ITPK1: variants seen among roughly 807,000 people sequenced by gnomAD.
ITPK1 encodes inositol-tetrakisphosphate 1-kinase, also known as inositol 1,3,4-trisphosphate 5/6-kinase.
A neutral mutation model predicts 45.3 loss-of-function variants in ITPK1; 21 were observed. The observed-to-expected ratio is 0.46, with a 90% CI of 0.33 to 0.67. The LOEUF is 0.67. Among genes scored for constraint, ITPK1 ranks in the 30% least tolerant of loss-of-function variants. The pLI is 0.02. For synonymous variants in ITPK1, 258 were observed against 253.6 expected (o/e 1.02, Z -0.16); for missense variants, 474 against 573.5 (o/e 0.83, Z 1.77).
Position 92,959,148 on chromosome 14 carries a change from G to T in ITPK1, c.505-782C>A, listed in dbSNP as rs12434797. Among the ~76,000 whole-genome samples the T allele has an allele frequency of 8.9e-3, 1,362 of 152,308 alleles. 17 individuals are homozygous for T. The highest frequency in any genetic ancestry group is 0.031 in the African/African-American group (1,279 of 41,566). ...GTAGGGGCTGGGGTAGGGAGTGCAGGGGGGCAGCTGCCAAAACCCTCTCAG... is the reference window on the plus strand; with the variant it reads ...GTAGGGGCTGGGGTAGGGAGTGCAGTGGGGCAGCTGCCAAAACCCTCTCAG... On this transcript the variant is annotated intron_variant, in intron 7 of 10. Coordinates refer to ENST00000267615, the MANE Select transcript of ITPK1 (RefSeq NM_014216.6).
At chr14:93,072,700 G>A (rs572700886) in intron 3 of ITPK1, among the ~76,000 whole-genome samples, 2 of 149,698 alleles carry the variant, frequency 1.3e-5, no homozygotes, top group East Asian at 2.0e-4. Flanking sequence ...CTGCAGCCTC[G>A]ACCTCCTGGG....
Position 93,015,279 on chromosome 14 carries a change from A to G in ITPK1, c.246+1397T>C, listed in dbSNP as rs115558733. ...GCTTCCACGCCTCCACTTCCTGCTT[A>G]TCAACAAGGCTGGTGAGTCTGCACT... is the stretch of plus-strand genomic sequence containing the variant. On this transcript the variant is annotated intron_variant, in intron 4 of 10. Transcript: ENST00000267615. Among the ~76,000 whole-genome samples, 718 of 152,294 alleles carry G rather than the reference A, an allele frequency of 4.7e-3. 3 individuals carry two copies. The highest frequency in any genetic ancestry group is 0.017 in the African/African-American group (686 of 41,564).
chr14:93,059,380 T>G (rs1890400247), intron 3 of ITPK1, among the ~76,000 whole-genome samples: 2 of 11,968 alleles, frequency 1.7e-4, no homozygotes, highest in African/African-American at 4.4e-4. Flanking sequence ...GGGGTGTGGG[T>G]CACGAGACAG....
chr14:92,961,169 G>A (rs750157240), intron 7 of ITPK1, among the ~76,000 whole-genome samples: 3 of 152,232 alleles, frequency 2.0e-5, no homozygotes, highest in Admixed American at 6.5e-5. Flanking sequence ...AGCCCACTCC[G>A]GTCAGATGCC....
intron 3 of ITPK1, among the ~76,000 whole-genome samples, chr14:93,035,605 G>A (rs562976844): frequency 1.3e-5 from 2 of 152,082 alleles, no homozygotes; most frequent in Admixed American, 6.5e-5. Context: ...AGGGAGGGAG[G>A]GAGGGGGCTC....
chr14:92,941,909 G>A lies in ITPK1; in HGVS notation c.902-5C>T. On this transcript the variant is annotated splice_polypyrimidine_tract_variant and splice_region_variant and intron_variant, in intron 10 of 10. Coordinates refer to ENST00000267615, the MANE Select transcript of ITPK1 (RefSeq NM_014216.6). Reference sequence around the variant, plus strand: ...ACTCGCTCACGCCCTCGTAGCCTGGGGGTGGGAGAGAGACAGCACAAGGGG... The same window carrying A: ...ACTCGCTCACGCCCTCGTAGCCTGGAGGTGGGAGAGAGACAGCACAAGGGG... 2 of 1,610,460 alleles carry A rather than the reference G, an allele frequency of 1.2e-6. No individual in the cohort carries two copies. Among genetic ancestry groups the A allele is most frequent in the Non-Finnish European group, 1.7e-6 (2 of 1,179,160 alleles).
At chr14:92,979,246 G>C (rs1201542278) in intron 5 of ITPK1, among the ~76,000 whole-genome samples, 1 of 152,250 alleles carries the variant, frequency 6.6e-6, no homozygotes, top group African/African-American at 2.4e-5. Context: ...TTTAACCAAT[G>C]ACTGTACCCT....
At chr14:93,106,193 C>G (rs1244538365) in intron 2 of ITPK1, among the ~76,000 whole-genome samples, 1 of 147,974 alleles carries the variant, frequency 6.8e-6, no homozygotes, top group African/African-American at 2.4e-5. Flanking sequence ...CACCCCACAG[C>G]CCAGAGCGGC....
intron 3 of ITPK1, among the ~76,000 whole-genome samples, chr14:93,054,521 T>C (rs1324752284): frequency 6.6e-6 from 1 of 152,190 alleles, no homozygotes; most frequent in African/African-American, 2.4e-5. Context: ...AATCTGTAAA[T>C]GCTCACTGTC....
chr14:93,047,713 A>C (rs1889839390), intron 3 of ITPK1, among the ~76,000 whole-genome samples: 1 of 152,224 alleles, frequency 6.6e-6, no homozygotes, highest in Admixed American at 6.5e-5. Context: ...CTGTTCTCCT[A>C]AGCCACGCAG....
At position 92,939,696 on chromosome 14, in the gene ITPK1, G is replaced by A. The variant is rs566292723; in HGVS notation, c.*1865C>T. 2 of 985,336 alleles carry A rather than the reference G, an allele frequency of 2.0e-6. No individual in the cohort carries two copies. The highest frequency in any genetic ancestry group is 3.5e-5 in the African/African-American group (2 of 57,270). The allele number at this position is 985,336 out of a possible 1,614,324, so 61.0% of individuals were successfully genotyped here. A position where few individuals can be genotyped will look rare whatever the true frequency, so the allele number is the denominator to read the frequency against. On this transcript the variant is annotated 3_prime_UTR_variant, in exon 11 of 11. Transcript: ENST00000267615. ...CGCAAGACCCCGGAGGCCACAAACG[G>A]TACAGGAACACAGCCAGGAGTCACG...
rs574206021 is a variant in ITPK1 at position 93,083,728 on chromosome 14, C to T, written c.96-7109G>A. Among the ~76,000 whole-genome samples the T allele has an allele frequency of 1.3e-4, 20 of 152,252 alleles. No homozygotes were observed. In the South Asian group the frequency reaches 3.7e-3, roughly 28 times the overall value. On this transcript the variant is annotated intron_variant, in intron 2 of 10. Transcript: ENST00000267615. ...GGCTCCTAAACAGATGACTAAGCCC[C>T]GTCACCCATGTGTGTTGATGGCCAC...
intron 5 of ITPK1, among the ~76,000 whole-genome samples, chr14:92,976,914 G>C (rs1330462887): frequency 6.6e-6 from 1 of 152,174 alleles, no homozygotes; most frequent in Non-Finnish European, 1.5e-5. Flanking sequence ...GTTAAGGAAG[G>C]CTCCTTTCCC....
intron 2 of ITPK1, among the ~76,000 whole-genome samples, chr14:93,099,700 C>T (rs892934236): frequency 7.9e-5 from 12 of 152,232 alleles, no homozygotes; most frequent in Admixed American, 5.9e-4. Flanking sequence ...CATGCAGCCA[C>T]AGCCACAGGG....
At chr14:92,962,284 G>C in intron 7 of ITPK1, 71 bp downstream of exon 7, 1 of 1,122,348 alleles carries the variant, frequency 8.9e-7, no homozygotes, top group Middle Eastern at 2.0e-4. Flanking sequence ...GAATCCGGCA[G>C]GGTAGCAGTG....
chr14:93,007,007 C>G (rs1419041357), intron 4 of ITPK1, among the ~76,000 whole-genome samples: 7 of 152,220 alleles, frequency 4.6e-5, no homozygotes, highest in African/African-American at 1.7e-4. Context: ...GTCAGGTCCT[C>G]TAGGCGACCA....
chr14:92,959,788 AAG>A (rs1478980570), intron 7 of ITPK1, among the ~76,000 whole-genome samples: 1 of 152,176 alleles, frequency 6.6e-6, no homozygotes, highest in Non-Finnish European at 1.5e-5. Flanking sequence ...ACCCAAATAA[AAG>A]AGTTCTGAGA....
intron 3 of ITPK1, among the ~76,000 whole-genome samples, chr14:93,039,205 G>A (rs1195327519): frequency 6.6e-6 from 1 of 152,164 alleles, no homozygotes; most frequent in East Asian, 1.9e-4. Context: ...GGCAGGCTCT[G>A]GCCCCAGCAT....
rs74074511 is a variant in ITPK1, at chr14:92,939,815, G to A, written c.*1746C>T. Reference sequence around the variant, plus strand: ...TTATTAAACGTCTTTTAAGGACTGGGAGTATGACATAACAAACTTGAGCAA... The same window carrying A: ...TTATTAAACGTCTTTTAAGGACTGGAAGTATGACATAACAAACTTGAGCAA... On this transcript the variant is annotated 3_prime_UTR_variant, in exon 11 of 11. Transcript: ENST00000267615. The A allele has an allele frequency of 0.12, 118,887 of 985,542 alleles. 7,392 individuals carry two copies. The highest frequency in any genetic ancestry group is 0.17 in the South Asian group (3,609 of 21,278). 61.0% of individuals were successfully genotyped at this position (985,542 alleles called of 1,614,324 possible).
Sources: gnomAD v4.1 joint callset for allele counts (sites outside exome capture counted in the v4.1 genomes callset) on GRCh38, gnomAD v4.1.1 for gene constraint, MANE v1.5 for transcripts, NCBI Gene and HGNC (gene_info 2026-07-23, HGNC 2026-07-21) for gene names.